CDH18: variants seen among roughly 807,000 people sequenced by gnomAD.
CDH18 encodes the protein cadherin-18.
A neutral mutation model predicts 67.9 loss-of-function variants in CDH18; 31 were observed. The observed-to-expected ratio is 0.46, with a 90% CI of 0.34 to 0.62. The LOEUF (loss-of-function observed/expected upper bound fraction) is 0.62. Among genes scored for constraint, CDH18 ranks in the 20% least tolerant of loss-of-function variants. The probability of loss-of-function intolerance (pLI) is 0.01; values close to 1 mark genes in which losing one functional copy is unlikely to be tolerated. For synonymous variants in CDH18, 362 were observed against 347.2 expected (o/e 1.04, Z -0.48); for missense variants, 890 against 975.5 (o/e 0.91, Z 1.17).
intron 5 of CDH18, among the ~76,000 whole-genome samples, chr5:19,691,225 C>T (rs1157344219): frequency 6.6e-6 from 1 of 151,634 alleles, no homozygotes; most frequent in Admixed American, 6.6e-5. Context: ...CCTAACATTC[C>T]TACAGGTGTA....
intron 3 of CDH18, among the ~76,000 whole-genome samples, chr5:19,835,536 TATGA>T (rs1781532404): frequency 6.6e-6 from 1 of 152,070 alleles, no homozygotes; most frequent in African/African-American, 2.4e-5. Flanking sequence ...ATTGGTTCAC[TATGA>T]ATGTATTTAT....
At chr5:19,704,893 C>A (rs1201674295) in intron 5 of CDH18, among the ~76,000 whole-genome samples, 1 of 152,162 alleles carries the variant, frequency 6.6e-6, no homozygotes, top group Non-Finnish European at 1.5e-5. Context: ...GGATTGCCTT[C>A]TCCTGTTATA....
chr5:20,547,784 C>T (rs895203719), intron 1 of CDH18, among the ~76,000 whole-genome samples: 2 of 152,016 alleles, frequency 1.3e-5, no homozygotes, highest in African/African-American at 2.4e-5. Flanking sequence ...AAGACTGAAG[C>T]AGAGTCAGTA....
At chr5:20,473,148 T>G (rs1055651934) in intron 1 of CDH18, among the ~76,000 whole-genome samples, 1 of 152,150 alleles carries the variant, frequency 6.6e-6, no homozygotes, top group African/African-American at 2.4e-5. Flanking sequence ...CATAGCACTA[T>G]CTAGTGTCAA....
At chr5:19,816,250 T>A (rs951464218) in intron 3 of CDH18, among the ~76,000 whole-genome samples, 1 of 151,830 alleles carries the variant, frequency 6.6e-6, no homozygotes, top group African/African-American at 2.4e-5. Context: ...GGTCAAATAG[T>A]GCAATGTGGA....
At chr5:19,751,980 G>A (rs1015642310) in intron 3 of CDH18, among the ~76,000 whole-genome samples, 1 of 152,006 alleles carries the variant, frequency 6.6e-6, no homozygotes, top group Non-Finnish European at 1.5e-5. Context: ...GCTCCTGCAG[G>A]GCCCCCAAGA....
intron 3 of CDH18, among the ~76,000 whole-genome samples, chr5:19,797,101 G>A: frequency 6.6e-6 from 1 of 151,930 alleles, no homozygotes; most frequent in Middle Eastern, 3.4e-3. Flanking sequence ...AAGGCATACT[G>A]AACACACAAA....
intron 5 of CDH18, among the ~76,000 whole-genome samples, chr5:19,633,480 T>C (rs1752686817): frequency 6.6e-6 from 1 of 152,196 alleles, no homozygotes; most frequent in Non-Finnish European, 1.5e-5. Context: ...ATTATATAAC[T>C]ATATTAATTC....
chr5:19,549,672 G>C (rs933698632), intron 8 of CDH18, among the ~76,000 whole-genome samples: 2 of 134,612 alleles, frequency 1.5e-5, no homozygotes, highest in Non-Finnish European at 3.2e-5. Context: ...GGGAGGGAGG[G>C]AGGGAAAGAA....
chr5:20,154,236 T>C (rs1237782423), intron 2 of CDH18, among the ~76,000 whole-genome samples: 2 of 152,192 alleles, frequency 1.3e-5, no homozygotes, highest in Non-Finnish European at 2.9e-5. Flanking sequence ...AGTTAGTTAA[T>C]ATAGATGACT....
chr5:20,204,143 G>A lies in CDH18; in HGVS notation c.-518+51301C>T, dbSNP rs184099771. Among the ~76,000 whole-genome samples, 229 of 152,004 alleles carry A rather than the reference G, an allele frequency of 1.5e-3. 2 individuals are homozygous for A. The highest frequency in any genetic ancestry group is 5.3e-3 in the African/African-American group (220 of 41,490). ...CATATACACATCCAGGTGCAGAAAC[G>A]TCAGAGAACACCAAACAGATCCAGC... is the stretch of plus-strand genomic sequence containing the variant. On this transcript the variant is annotated intron_variant, in intron 2 of 14. Transcript: ENST00000507958.
chr5:20,231,611 AAAAAGAAAAG>A (rs534468710), intron 2 of CDH18, among the ~76,000 whole-genome samples: 3 of 151,978 alleles, frequency 2.0e-5, no homozygotes, highest in South Asian at 2.1e-4. Flanking sequence ...AAAAAGAAAA[AAAAAGAAAAG>A]AAAAGAAAAG....
intron 1 of CDH18, among the ~76,000 whole-genome samples, chr5:20,447,045 A>T (rs371958043): frequency 1.9e-4 from 29 of 152,248 alleles, no homozygotes; most frequent in African/African-American, 2.9e-4. Context: ...TACTAGATAA[A>T]ATGTGGAAGC....
rs757426234 is a variant in CDH18 at position 19,502,898 on chromosome 5, C to G, written c.1630+94G>C. The G allele has an allele frequency of 1.1e-5, 9 of 804,334 alleles. No individual in the cohort carries two copies. In the African/African-American group the frequency reaches 1.2e-4, roughly 11 times the overall value. 49.8% of individuals were successfully genotyped at this position (804,334 alleles called of 1,614,324 possible). ...CAAACTGACTTTGAATGCTGATTTG[C>G]AAGATGTTTGTGTGTATATAAGAAT... is the stretch of plus-strand genomic sequence containing the variant. On this transcript the variant is annotated intron_variant, in intron 11 of 12. Coordinates refer to ENST00000382275, the MANE Select transcript of CDH18 (RefSeq NM_004934.5).
At chr5:20,108,629 T>C (rs1325992970) in intron 2 of CDH18, among the ~76,000 whole-genome samples, 1 of 152,210 alleles carries the variant, frequency 6.6e-6, no homozygotes, top group South Asian at 2.1e-4. Flanking sequence ...GCCTCCCTAC[T>C]AACCACAGCC....
chr5:19,923,271 C>T (rs1303396580), intron 2 of CDH18, among the ~76,000 whole-genome samples: 1 of 152,166 alleles, frequency 6.6e-6, no homozygotes. Context: ...ACCAATTAGA[C>T]AACCCTGAGA....
At chr5:20,575,351 T>C (rs1217547837) in intron 1 of CDH18, 1 of 152,082 alleles carries the variant, frequency 6.6e-6, no homozygotes, top group Non-Finnish European at 1.5e-5. Flanking sequence ...GTGTATAGAA[T>C]TTACTTTAAT....
At chr5:20,264,457 G>A (rs528447388) in intron 1 of CDH18, among the ~76,000 whole-genome samples, 14 of 151,926 alleles carry the variant, frequency 9.2e-5, no homozygotes, top group Non-Finnish European at 1.3e-4. Context: ...ATTTAATAGC[G>A]TGTACACATA....
At chr5:20,162,490 T>C (rs1735968301) in intron 2 of CDH18, among the ~76,000 whole-genome samples, 1 of 113,988 alleles carries the variant, frequency 8.8e-6, no homozygotes, top group Admixed American at 9.1e-5. Context: ...AATAGACATA[T>C]ATATAATAGA....
Sources: allele counts gnomAD v4.1 joint callset (sites outside exome capture counted in the v4.1 genomes callset), GRCh38; gene constraint gnomAD v4.1.1; transcripts MANE v1.5; gene names NCBI Gene and HGNC (gene_info 2026-07-23, HGNC 2026-07-21).